CCDC81: variants seen among roughly 807,000 people sequenced by gnomAD.
The protein encoded by CCDC81 is coiled-coil domain containing 81.
CCDC81 carries 79 observed loss-of-function variants against 83.7 expected under a neutral mutation model. The observed-to-expected ratio is 0.94, with a 90% CI of 0.79 to 1.14. The LOEUF is 1.14. CCDC81 is among the 50% of genes most tolerant of loss of function. The pLI, the probability that CCDC81 is intolerant of heterozygous loss-of-function variation, is 0.00. For synonymous variants in CCDC81, 252 were observed against 278.1 expected (o/e 0.91, Z 0.93); for missense variants, 791 against 778.1 (o/e 1.02, Z -0.20).
chr11:86,415,936 AG>A (rs111901897), intron 13 of CCDC81, among the ~76,000 whole-genome samples: 1,626 of 152,246 alleles, frequency 0.011, 28 homozygotes, highest in African/African-American at 0.036. Flanking sequence ...AGCTTCCCAA[AG>A]TGTTGGGATT....
intron 6 of CCDC81, among the ~76,000 whole-genome samples, chr11:86,399,571 CTCCCAAAGT>C (rs1449182105): frequency 3.3e-5 from 5 of 152,118 alleles, no homozygotes; most frequent in Non-Finnish European, 7.4e-5. Flanking sequence ...CCACCTCGGC[CTCCCAAAGT>C]GTTGGGATTA....
Position 86,387,432 on chromosome 11 carries a change from C to T in CCDC81, c.142-84C>T, listed in dbSNP as rs144177335. On this transcript the variant is annotated intron_variant, in intron 2 of 14. Coordinates refer to ENST00000445632, the MANE Select transcript of CCDC81 (RefSeq NM_001156474.2). ...TTTAAGGCCTAAGCTTACTTCTCTT[C>T]GTGTTTTTTAGATAATAATATTAAG... 966 of 1,338,102 alleles carry T rather than the reference C, an allele frequency of 7.2e-4. 15 individuals carry two copies. The Admixed American group carries it at 0.016, about 22-fold the overall frequency. The allele number at this position is 1,338,102 out of a possible 1,614,324, so 82.9% of individuals were successfully genotyped here. A position where few individuals can be genotyped will look rare whatever the true frequency, so the allele number is the denominator to read the frequency against.
At chr11:86,378,850 GT>G (rs985586979) in intron 1 of CCDC81, among the ~76,000 whole-genome samples, 8 of 151,962 alleles carry the variant, frequency 5.3e-5, no homozygotes, top group Non-Finnish European at 1.0e-4. Context: ...TAATCTATAT[GT>G]TTTTAGATTT....
At chr11:86,398,789 T>A (rs1593923045) in intron 6 of CCDC81, among the ~76,000 whole-genome samples, 2 of 152,120 alleles carry the variant, frequency 1.3e-5, no homozygotes, top group South Asian at 4.1e-4. Context: ...GCCAGGCTGG[T>A]CTCAAACTCC....
intron 11 of CCDC81, chr11:86,414,551 C>T (rs1017051876): frequency 6.5e-5 from 28 of 431,428 alleles, no homozygotes; most frequent in African/African-American, 5.3e-4. Flanking sequence ...AAGTGATCTG[C>T]CCACTTCAGC....
chr11:86,375,270 C>A (rs770196073), intron 1 of CCDC81, 28 bp downstream of exon 1: 3 of 1,585,698 alleles, frequency 1.9e-6, no homozygotes, highest in Non-Finnish European at 1.7e-6. Context: ...CAGGGGGTGG[C>A]CCTGGGGATT....
chr11:86,400,605 T>G (rs993645883), intron 6 of CCDC81, 73 bp from the exon 7 acceptor site: 1 of 1,433,228 alleles, frequency 7.0e-7, no homozygotes, highest in Admixed American at 2.1e-5. Flanking sequence ...AAAATTTCCC[T>G]TGGTAAAAAC....
At position 86,412,486 on chromosome 11, in the gene CCDC81, C is replaced by T. The variant is rs749786105; in HGVS notation, c.1318C>T (p.Gln440Ter). ...RSLLKQMDNR[Q>*]ENEIKQRQYR... ...TCTCCTGAAACAAATGGATAACAGA[C>T]AGGAAAACGAAATAAAGCAAAGACA... The change falls in exon 11 of 15, where the codon CAG (glutamine) becomes TAG (stop). Residue 440 changes from glutamine (Q) to a stop codon, truncating the protein, a stop_gained. Coordinates refer to ENST00000445632, the MANE Select transcript of CCDC81 (RefSeq NM_001156474.2). LOFTEE classifies it high-confidence loss of function. 1.2e-6 allele frequency: 2 copies of T among 1,613,894 alleles called. No individual in the cohort carries two copies. The highest frequency in any genetic ancestry group is 2.2e-5 in the East Asian group (1 of 44,860).
chr11:86,400,633 G>T, intron 6 of CCDC81, 45 bp from the exon 7 acceptor site: 1 of 1,557,884 alleles, frequency 6.4e-7, no homozygotes, highest in South Asian at 1.2e-5. Context: ...TTAGTGGTTT[G>T]AGAGTTGAAA....
Position 86,395,324 on chromosome 11 carries a change from T to C in CCDC81, c.556-10T>C, listed in dbSNP as rs771789221. On this transcript the variant is annotated splice_polypyrimidine_tract_variant and intron_variant, in intron 4 of 14. Transcript: ENST00000445632. ...CCTAGATGTAACCTTGCTCTGTTGC[T>C]GTCCTCTAGAGGCCTGGCACTGTGG... The C allele has an allele frequency of 1.9e-6, 3 of 1,613,322 alleles. No individual in the cohort carries two copies. The South Asian group carries it at 3.3e-5, about 18-fold the overall frequency.
At chr11:86,378,508 T>G (rs140230468) in intron 1 of CCDC81, among the ~76,000 whole-genome samples, 2,033 of 152,296 alleles carry the variant, frequency 0.013, 23 homozygotes, top group Non-Finnish European at 0.019. Context: ...TGCTGTTGAG[T>G]TCAACTATGC....
Position 86,415,111 on chromosome 11 carries a change from C to T in CCDC81, c.1489C>T (p.Arg497Trp), listed in dbSNP as rs770021383. The T allele has an allele frequency of 1.3e-5, 21 of 1,614,044 alleles. No individual in the cohort carries two copies. Among genetic ancestry groups the T allele is most frequent in the Admixed American group, 5.0e-5 (3 of 59,998 alleles). Residue 497 changes from arginine to tryptophan, a missense_variant, in exon 13 of 15, where the codon CGG becomes TGG. Arg to Trp is a moderately radical substitution (Grantham distance 101). Coordinates refer to ENST00000445632, the MANE Select transcript of CCDC81 (RefSeq NM_001156474.2). Reference protein sequence around the residue: ...LDAQIKNKPSRLPPFEPDSSE... With the variant: ...LDAQIKNKPSWLPPFEPDSSE... ...GTTTAAGATAAAGAACAAACCCTCT[C>T]GGCTGCCCCCCTTTGAGCCAGACTC...
intron 7 of CCDC81, among the ~76,000 whole-genome samples, chr11:86,401,661 A>T (rs2138522078): frequency 6.6e-6 from 1 of 152,268 alleles, no homozygotes; most frequent in East Asian, 1.9e-4. Flanking sequence ...AGAGTTACAG[A>T]TGTATAAACC....
In CCDC81 at chr11:86,417,654, A is replaced by T. The variant is rs559397889; in HGVS notation, c.1692-2274A>T. Among the ~76,000 whole-genome samples the T allele has an allele frequency of 2.6e-5, 4 of 152,226 alleles. No homozygotes were observed. The South Asian group carries it at 8.3e-4, about 32-fold the overall frequency. ...CAGATATTTTGTATTAAACATTTTT[A>T]ATATATATTTTTATACTGGTTCTTT... On this transcript the variant is annotated intron_variant, in intron 13 of 14. Coordinates refer to ENST00000445632, the MANE Select transcript of CCDC81 (RefSeq NM_001156474.2).
At chr11:86,418,477 G>C (rs1036417535) in intron 13 of CCDC81, among the ~76,000 whole-genome samples, 3 of 152,158 alleles carry the variant, frequency 2.0e-5, no homozygotes, top group African/African-American at 7.2e-5. Flanking sequence ...CAGATGAATG[G>C]ATAAACAAAA....
At position 86,400,985 on chromosome 11, in the gene CCDC81, C is replaced by A. The variant is rs145210506; in HGVS notation, c.881+184C>A. Among the ~76,000 whole-genome samples the A allele has an allele frequency of 3.2e-3, 487 of 152,210 alleles. 4 individuals carry two copies. The highest frequency in any genetic ancestry group is 0.011 in the African/African-American group (474 of 41,506). ...TTCACCATCTAGTGGGAAAGCCAGA[C>A]ATATGCAGAGGGATAAATTACGATT... On this transcript the variant is annotated intron_variant, in intron 7 of 14. Coordinates refer to ENST00000445632, the MANE Select transcript of CCDC81 (RefSeq NM_001156474.2).
chr11:86,415,107 C>G lies in CCDC81; in HGVS notation c.1485C>G (p.Pro495=), dbSNP rs139851700. 3.7e-5 allele frequency: 59 copies of G among 1,614,146 alleles called. No homozygotes were observed. The highest frequency in any genetic ancestry group is 1.3e-4 in the East Asian group (6 of 44,884). Reference sequence around the variant, plus strand: ...CTCTGTTTAAGATAAAGAACAAACCCTCTCGGCTGCCCCCCTTTGAGCCAG... The same window carrying G: ...CTCTGTTTAAGATAAAGAACAAACCGTCTCGGCTGCCCCCCTTTGAGCCAG... The part of the protein sequence containing the change: ...RALDAQIKNK[P]SRLPPFEPDS... Residue 495 remains proline, a synonymous_variant, in exon 13 of 15, where the codon CCC becomes CCG. Transcript: ENST00000445632.
intron 11 of CCDC81, among the ~76,000 whole-genome samples, chr11:86,413,524 A>C (rs1948674376): frequency 1.3e-5 from 2 of 152,100 alleles, no homozygotes; most frequent in South Asian, 4.1e-4. Context: ...CCTTCCCAGC[A>C]CTTCCCTTCT....
chr11:86,379,782 G>T (rs1183992727), intron 1 of CCDC81, among the ~76,000 whole-genome samples: 1 of 152,120 alleles, frequency 6.6e-6, no homozygotes, highest in East Asian at 1.9e-4. Flanking sequence ...TCCAGGATCA[G>T]CATGGGCAAT....
Sources: gnomAD v4.1 joint callset for allele counts (sites outside exome capture counted in the v4.1 genomes callset) on GRCh38, gnomAD v4.1.1 for gene constraint, MANE v1.5 for transcripts, NCBI Gene and HGNC (gene_info 2026-07-23, HGNC 2026-07-21) for gene names.